Variants in DST observed in about 807,000 individuals in gnomAD.
The protein encoded by DST is dystonin.
Under a neutral mutation model 875.2 loss-of-function variants are expected in DST, and 253 were observed. The ratio of observed to expected loss-of-function variants is 0.29; its 90% CI spans 0.26 to 0.32. DST has a LOEUF of 0.32. Ranked by LOEUF, DST falls within the 10% of genes least tolerant of loss-of-function variation. The pLI is 1.00. For synonymous variants in DST, 3,124 were observed against 3,197.1 expected (o/e 0.98, Z 0.77); for missense variants, 8,287 against 9,111.6 (o/e 0.91, Z 3.68).
chr6:56,740,067 G>C (rs2099541136), intron 4 of DST, among the ~76,000 whole-genome samples: 1 of 152,170 alleles, frequency 6.6e-6, no homozygotes, highest in Non-Finnish European at 1.5e-5. Flanking sequence ...TGTTAGCCAG[G>C]TTGGTTCCAA....
chr6:56,844,871 C>CAAAAAAAAA (rs11389743), intron 4 of DST, among the ~76,000 whole-genome samples: 7 of 123,202 alleles, frequency 5.7e-5, no homozygotes, highest in Non-Finnish European at 1.0e-4. Flanking sequence ...GACTCCGTCT[C>CAAAAAAAAA]AAAAAAAAAA....
chr6:56,653,346 TAAAG>T (rs1288645047), intron 10 of DST, among the ~76,000 whole-genome samples: 3 of 152,054 alleles, frequency 2.0e-5, no homozygotes, highest in Non-Finnish European at 4.4e-5. Flanking sequence ...AGACAGCAGA[TAAAG>T]AAAATTAGTT....
At chr6:56,630,420 A>C in intron 30 of DST, 37 bp from the exon 31 acceptor site, 1 of 1,590,630 alleles carries the variant, frequency 6.3e-7, no homozygotes, top group Non-Finnish European at 8.6e-7. Context: ...ACCTATGGTT[A>C]AATGTTTATT....
chr6:56,932,595 T>G (rs1040503290), intron 2 of DST, among the ~76,000 whole-genome samples: 1 of 152,146 alleles, frequency 6.6e-6, no homozygotes, highest in African/African-American at 2.4e-5. Flanking sequence ...GCCTGGTAAC[T>G]CTAGTTTACT....
chr6:56,842,705 G>A (rs78531133), intron 4 of DST, among the ~76,000 whole-genome samples: 2,242 of 152,224 alleles, frequency 0.015, 23 homozygotes, highest in Non-Finnish European at 0.021. Flanking sequence ...CAATGCCTTA[G>A]TAATCCCATA....
At chr6:56,619,455 AT>A in intron 36 of DST, 1 of 1,611,634 alleles carries the variant, frequency 6.2e-7, no homozygotes, top group Non-Finnish European at 8.5e-7. Context: ...AGATGATCTG[AT>A]TTTCTCTGGC....
Position 56,639,924 on chromosome 6 carries a change from C to T in DST, c.2619+5G>A. 6.2e-7 allele frequency: 1 copy of T among 1,611,288 alleles called. No homozygotes were observed. Among genetic ancestry groups the T allele is most frequent in the Non-Finnish European group, 8.5e-7 (1 of 1,178,510 alleles). Reference sequence around the variant, plus strand: ...GAAATATATACAAATTTTAAATTCACATACCTCACTGATTTTAGCTTCTTT... The same window carrying T: ...GAAATATATACAAATTTTAAATTCATATACCTCACTGATTTTAGCTTCTTT... On this transcript the variant is annotated splice_donor_5th_base_variant and intron_variant, in intron 19 of 103. Coordinates refer to ENST00000680361, the MANE Select transcript of DST (RefSeq NM_001374736.1).
At chr6:56,781,452 G>A (rs1023311142) in intron 4 of DST, among the ~76,000 whole-genome samples, 10 of 152,074 alleles carry the variant, frequency 6.6e-5, no homozygotes, top group African/African-American at 2.4e-4. Flanking sequence ...CTTGTAAGTT[G>A]GATTCCTAAG....
chr6:56,525,147 AT>A (rs2096774906), intron 69 of DST, among the ~76,000 whole-genome samples: 1 of 152,182 alleles, frequency 6.6e-6, no homozygotes, highest in African/African-American at 2.4e-5. Context: ...TTCTCAAGAA[AT>A]TCTTACTCCC....
chr6:56,614,723 C>T, intron 36 of DST: 1 of 1,124,364 alleles, frequency 8.9e-7, no homozygotes, highest in Non-Finnish European at 1.1e-6. Context: ...TCTAACCTCC[C>T]AGCTGTTCCA....
intron 2 of DST, among the ~76,000 whole-genome samples, chr6:56,933,913 A>G (rs539323039): frequency 4.2e-4 from 64 of 152,040 alleles, no homozygotes; most frequent in Non-Finnish European, 7.9e-4. Flanking sequence ...GTGAACTGAA[A>G]CCCAAAGCCA....
chr6:56,775,783 T>G (rs2099677838), intron 4 of DST, among the ~76,000 whole-genome samples: 1 of 152,234 alleles, frequency 6.6e-6, no homozygotes, highest in Non-Finnish European at 1.5e-5. Flanking sequence ...AACATTGGAT[T>G]ATAATCCAAA....
chr6:56,818,147 C>A (rs1486280854), intron 4 of DST, among the ~76,000 whole-genome samples: 1 of 152,120 alleles, frequency 6.6e-6, no homozygotes, highest in African/African-American at 2.4e-5. Flanking sequence ...GAACTAATGA[C>A]CTCCAGAAGT....
At chr6:56,652,889 T>C (rs2098984377) in intron 10 of DST, among the ~76,000 whole-genome samples, 1 of 152,238 alleles carries the variant, frequency 6.6e-6, no homozygotes, top group African/African-American at 2.4e-5. Flanking sequence ...AAAGTAACAT[T>C]TTTTATTCAC....
chr6:56,832,699 A>G (rs2153062661), intron 4 of DST, among the ~76,000 whole-genome samples: 1 of 151,998 alleles, frequency 6.6e-6, no homozygotes, highest in Admixed American at 6.6e-5. Context: ...CAAACTCTTA[A>G]TTTGAATCAC....
At chr6:56,570,396 C>T (rs1318866108) in intron 53 of DST, among the ~76,000 whole-genome samples, 1 of 152,106 alleles carries the variant, frequency 6.6e-6, no homozygotes, top group East Asian at 1.9e-4. Flanking sequence ...ACTAGGCAGT[C>T]CCATCTGGGG....
Position 56,606,996 on chromosome 6 carries a change from C to T in DST, c.7632G>A (p.Met2544Ile). 4 of 1,613,466 alleles carry T rather than the reference C, an allele frequency of 2.5e-6. No individual in the cohort carries two copies. Among genetic ancestry groups the T allele is most frequent in the Non-Finnish European group, 3.4e-6 (4 of 1,179,586 alleles). ...DEKTHPGFQQMPEDKEDESEI... is the reference protein window; with the variant it reads ...DEKTHPGFQQIPEDKEDESEI... ...CAGACTCATCTTCCTTGTCTTCAGG[C>T]ATCTGCTGAAAACCTGGATGTGTTT... Residue 2544 changes from methionine (M) to isoleucine (I), a missense_variant, in exon 40 of 104, where the codon ATG (methionine) becomes ATA (isoleucine). This residue lies in a region of DST where 3,138 missense variants were observed against 3,116.6 expected (regional missense o/e 1.01). Coordinates refer to ENST00000680361, the MANE Select transcript of DST (RefSeq NM_001374736.1).
Position 56,464,453 on chromosome 6 carries a change from G to A in DST, c.22759+232C>T. On this transcript the variant is annotated intron_variant, in intron 100 of 103. Coordinates refer to ENST00000680361, the MANE Select transcript of DST (RefSeq NM_001374736.1). ...ACGGAGAACACTCCACAAGAACCCGGTGAGCAACGTGTTAGCATGTGTTTG... is the reference window on the plus strand; with the variant it reads ...ACGGAGAACACTCCACAAGAACCCGATGAGCAACGTGTTAGCATGTGTTTG... The A allele has an allele frequency of 5.5e-6, 3 of 543,118 alleles. No homozygotes were observed. In the South Asian group the frequency reaches 7.7e-5, roughly 14 times the overall value. The allele number at this position is 543,118 out of a possible 1,614,324, so 33.6% of individuals were successfully genotyped here.
chr6:56,663,272 G>A (rs1189262373), intron 10 of DST, among the ~76,000 whole-genome samples: 2 of 152,230 alleles, frequency 1.3e-5, no homozygotes, highest in Non-Finnish European at 2.9e-5. Context: ...ATAATGGTTA[G>A]AAGTCATCCA....
Sources: gnomAD v4.1 joint callset for allele counts (sites outside exome capture counted in the v4.1 genomes callset) on GRCh38, gnomAD v4.1.1 for gene constraint, gnomAD v4.1.1 regional missense constraint, MANE v1.5 for transcripts, NCBI Gene and HGNC (gene_info 2026-07-23, HGNC 2026-07-21) for gene names.